The following MYT1L variants were observed in gnomAD, a reference collection of about 807,000 sequenced individuals.
MYT1L encodes myelin transcription factor 1-like protein.
MYT1L carries 12 observed loss-of-function variants against 126.7 expected under a neutral mutation model. The observed-to-expected ratio is 0.09, with a 90% CI of 0.06 to 0.15. MYT1L has a LOEUF of 0.15. Ranked by LOEUF, MYT1L falls within the 10% of genes least tolerant of loss-of-function variation. The probability of loss-of-function intolerance (pLI) is 1.00; values close to 1 mark genes in which losing one functional copy is unlikely to be tolerated. For synonymous variants in MYT1L, 541 were observed against 604.2 expected, an observed-to-expected ratio of 0.90 and a Z score of 1.53; for missense variants, 979 against 1,585.2, an observed-to-expected ratio of 0.62 and a Z score of 6.49.
chr2:1,979,350 A>C lies in MYT1L; in HGVS notation c.90-123T>G. The C allele has an allele frequency of 3.6e-6, 4 of 1,112,838 alleles. No individual in the cohort carries two copies. The highest frequency in any genetic ancestry group is 5.4e-6 in the Non-Finnish European group (4 of 746,982). 68.9% of individuals were successfully genotyped at this position (1,112,838 alleles called of 1,614,324 possible). Reference sequence around the variant, plus strand: ...GGAGAGAAATCACACAATCCAAAGGAGGGGGAAATTCGGGGAGGCTTTTTA... The same window carrying C: ...GGAGAGAAATCACACAATCCAAAGGCGGGGGAAATTCGGGGAGGCTTTTTA... On this transcript the variant is annotated intron_variant, in intron 7 of 24. Transcript: ENST00000647738. The surrounding 1 kb of genome is among the most constrained non-coding windows in gnomAD (Gnocchi z 4.0).
In MYT1L at chr2:2,270,162, G is replaced by A. The variant is rs144231515; in HGVS notation, c.-421+14242C>T. Among the ~76,000 whole-genome samples, 928 of 152,336 alleles carry A rather than the reference G, an allele frequency of 6.1e-3. 9 individuals carry two copies. The highest frequency in any genetic ancestry group is 0.021 in the African/African-American group (887 of 41,578). ...TGTGGGGATGTGGCCAGAAGAGACT[G>A]TCTGCAACCCAGGGAGGGAGCCCTC... On this transcript the variant is annotated intron_variant, in intron 2 of 24. Transcript: ENST00000647738.
At chr2:2,084,501 G>A (rs1277187369) in intron 3 of MYT1L, among the ~76,000 whole-genome samples, 1 of 152,186 alleles carries the variant, frequency 6.6e-6, no homozygotes, top group Non-Finnish European at 1.5e-5. Flanking sequence ...ACTGGCCCTG[G>A]GCTAGGAGTG....
chr2:1,831,375 T>C (rs914021103), intron 21 of MYT1L, among the ~76,000 whole-genome samples: 1 of 152,144 alleles, frequency 6.6e-6, no homozygotes, highest in Non-Finnish European at 1.5e-5. Flanking sequence ...TTCCTCCTGG[T>C]TTCTCCTCTT....
At chr2:2,296,556 G>A (rs1278268422) in intron 1 of MYT1L, among the ~76,000 whole-genome samples, 1 of 152,158 alleles carries the variant, frequency 6.6e-6, no homozygotes, top group South Asian at 2.1e-4. Flanking sequence ...CAGATGTTTT[G>A]TTTTTTTCTA....
At chr2:2,240,501 T>G (rs2094417426) in intron 2 of MYT1L, among the ~76,000 whole-genome samples, 1 of 152,244 alleles carries the variant, frequency 6.6e-6, no homozygotes, top group Admixed American at 6.5e-5. Flanking sequence ...CATTATCTAC[T>G]CTTTGTTTAT....
intron 15 of MYT1L, among the ~76,000 whole-genome samples, chr2:1,890,069 ATTTT>A (rs66780734): frequency 1.4e-5 from 2 of 145,710 alleles, no homozygotes; most frequent in Non-Finnish European, 3.0e-5. Context: ...TTGTAATACA[ATTTT>A]TTTTTTTTTT....
chr2:1,922,389 G>T lies in MYT1L; in HGVS notation c.1380C>A (p.Asp460Glu), dbSNP rs767786174. 6.2e-7 allele frequency: 1 copy of T among 1,613,858 alleles called. No homozygotes were observed. Among genetic ancestry groups the T allele is most frequent in the South Asian group, 1.1e-5 (1 of 91,078 alleles). Reference sequence around the variant, plus strand: ...ACTGGTCCTCATATGACCTCATATTGTCCCTCCTCCCAGCTTCCATGGCCA... The same window carrying T: ...ACTGGTCCTCATATGACCTCATATTTTCCCTCCTCCCAGCTTCCATGGCCA... ...EKMAMEAGRR[D>E]NMRSYEDQSP... is the part of the protein sequence containing the mutation. Residue 460 changes from aspartate (D) to glutamate (E), a missense_variant, in exon 10 of 25, where the codon GAC (aspartate) becomes GAA (glutamate). Coordinates refer to ENST00000647738, the MANE Select transcript of MYT1L (RefSeq NM_001303052.2). The surrounding 1 kb of genome is among the most constrained non-coding windows in gnomAD (Gnocchi z 7.4).
chr2:1,917,190 G>C lies in MYT1L; in HGVS notation c.1618+15C>G. The C allele has an allele frequency of 6.2e-7, 1 of 1,609,426 alleles. No individual in the cohort carries two copies. The highest frequency in any genetic ancestry group is 8.5e-7 in the Non-Finnish European group (1 of 1,176,740). On this transcript the variant is annotated intron_variant, in intron 11 of 24. Transcript: ENST00000647738. This position sits in a 1 kb window ranked among gnomAD's most constrained non-coding sequence, Gnocchi z 5.9. ...TGTTTGCACCCCCAAGGGTAGCGGT[G>C]AGACGTGGACTTACTTTCTGGAGGG...
At chr2:2,065,844 ACACG>A (rs1004992924) in intron 3 of MYT1L, among the ~76,000 whole-genome samples, 18 of 122,682 alleles carry the variant, frequency 1.5e-4, no homozygotes, top group African/African-American at 5.0e-4. Flanking sequence ...ACACACACAC[ACACG>A]CACACACACA....
chr2:1,903,254 C>T lies in MYT1L; in HGVS notation c.1858G>A (p.Gly620Ser). The T allele has an allele frequency of 1.2e-6, 2 of 1,613,824 alleles. No individual in the cohort carries two copies. The highest frequency in any genetic ancestry group is 1.7e-6 in the Non-Finnish European group (2 of 1,179,806). Reference sequence around the variant, plus strand: ...GTTGTGGGGACATTGTTTCTGTAGCCATACTGAGGAATCTCCAGCTGCTTC... The same window carrying T: ...GTTGTGGGGACATTGTTTCTGTAGCTATACTGAGGAATCTCCAGCTGCTTC... ...FVKQLEIPQY[G>S]YRNNVPTTTP... The change falls in exon 14 of 25, where the codon GGC becomes AGC. Residue 620 changes from glycine to serine, a missense_variant. This residue lies in a region of MYT1L where 82 missense variants were observed against 177.2 expected (regional missense o/e 0.46). Coordinates refer to ENST00000647738, the MANE Select transcript of MYT1L (RefSeq NM_001303052.2).
At chr2:1,868,952 T>C (rs990144263) in intron 18 of MYT1L, among the ~76,000 whole-genome samples, 1 of 152,182 alleles carries the variant, frequency 6.6e-6, no homozygotes, top group African/African-American at 2.4e-5. Flanking sequence ...CAGGTTCAGC[T>C]TAACCAGCCC....
chr2:2,064,412 G>A (rs936120670), intron 3 of MYT1L, among the ~76,000 whole-genome samples: 6 of 152,170 alleles, frequency 3.9e-5, no homozygotes, highest in Admixed American at 2.0e-4. Flanking sequence ...AGGAGAACAT[G>A]GGGAAGTGAA....
At chr2:2,132,277 ACATACGT>A (rs1198129377) in intron 3 of MYT1L, among the ~76,000 whole-genome samples, 1 of 152,132 alleles carries the variant, frequency 6.6e-6, no homozygotes, top group Non-Finnish European at 1.5e-5. Context: ...ACACATGCAC[ACATACGT>A]TTATTGCAGC....
chr2:2,161,303 C>A (rs1435367691), intron 3 of MYT1L, among the ~76,000 whole-genome samples: 2 of 152,180 alleles, frequency 1.3e-5, no homozygotes, highest in Admixed American at 6.5e-5. Flanking sequence ...TATTTGATAA[C>A]AAGAACTTTT....
intron 3 of MYT1L, among the ~76,000 whole-genome samples, chr2:2,170,105 G>A (rs907026761): frequency 2.6e-5 from 4 of 152,180 alleles, no homozygotes; most frequent in East Asian, 1.9e-4. Flanking sequence ...CCACGCTCAC[G>A]TATCAGCAAA....
In MYT1L at chr2:1,868,704, G is replaced by A. The variant is rs115287370; in HGVS notation, c.2712-17001C>T. The stretch of plus-strand genomic sequence containing the variant: ...TCTGGCACTCGTGGGCCTGCCCTGG[G>A]GCTGAGAGGCAGGGGGGATGCAGAC... On this transcript the variant is annotated intron_variant, in intron 18 of 24. Transcript: ENST00000647738. Among the ~76,000 whole-genome samples the A allele has an allele frequency of 9.6e-3, 1,457 of 152,306 alleles. 27 individuals are homozygous for A. Among genetic ancestry groups the A allele is most frequent in the African/African-American group, 0.034 (1,399 of 41,564 alleles).
At chr2:2,301,101 C>T (rs996989308) in intron 1 of MYT1L, among the ~76,000 whole-genome samples, 13 of 152,106 alleles carry the variant, frequency 8.5e-5, no homozygotes, top group Non-Finnish European at 5.9e-5. Flanking sequence ...TGGAAGCCTA[C>T]GTTCACATTA....
chr2:2,019,789 T>C (rs968634070), intron 4 of MYT1L, among the ~76,000 whole-genome samples: 7 of 151,504 alleles, frequency 4.6e-5, no homozygotes, highest in Admixed American at 3.3e-4. Context: ...AATGTTATAC[T>C]GTAAATATTC....
chr2:2,061,315 C>T (rs2070457405), intron 3 of MYT1L, among the ~76,000 whole-genome samples: 1 of 152,142 alleles, frequency 6.6e-6, no homozygotes, highest in South Asian at 2.1e-4. Flanking sequence ...ACGGGGTTGC[C>T]AGCACAGGGG....
Sources: gnomAD v4.1 joint callset for allele counts (sites outside exome capture counted in the v4.1 genomes callset) on GRCh38, gnomAD v4.1.1 for gene constraint, gnomAD v4.1.1 regional missense constraint, Gnocchi (gnomAD v3.1) non-coding constraint, MANE v1.5 for transcripts, NCBI Gene and HGNC (gene_info 2026-07-23, HGNC 2026-07-21) for gene names.